The following TLN1 variants were observed in gnomAD, a reference collection of about 807,000 sequenced individuals.
TLN1 encodes the protein talin 1.
Under a neutral mutation model 292.3 loss-of-function variants are expected in TLN1, and 56 were observed. That is an observed-to-expected ratio of 0.19 (90% CI 0.15 to 0.24). TLN1 has a LOEUF of 0.24. TLN1 is among the 10% of genes least tolerant of loss of function. The pLI is 1.00. For synonymous variants in TLN1, 1,119 were observed against 1,253.7 expected, an observed-to-expected ratio of 0.89 and a Z score of 2.27; for missense variants, 2,433 against 3,248.2, an observed-to-expected ratio of 0.75 and a Z score of 6.10.
intron 1 of TLN1, among the ~76,000 whole-genome samples, chr9:35,726,658 C>G (rs910379451): frequency 6.6e-6 from 1 of 152,214 alleles, no homozygotes; most frequent in Non-Finnish European, 1.5e-5. Flanking sequence ...CTTGCCCCAG[C>G]TTTTTTCTAA....
chr9:35,721,578 A>G, intron 10 of TLN1, 70 bp downstream of exon 10: 8 of 1,544,380 alleles, frequency 5.2e-6, no homozygotes, highest in Non-Finnish European at 7.1e-6. Context: ...CAAGAGAGGG[A>G]AGAGACCTCT....
chr9:35,721,976 T>C, intron 9 of TLN1, 143 bp downstream of exon 9: 2 of 1,146,310 alleles, frequency 1.7e-6, no homozygotes, highest in Admixed American at 1.9e-5. Context: ...CAGGCAGGTT[T>C]TCATGAGGTC....
Position 35,704,170 on chromosome 9 carries a change from C to A in TLN1, c.6052G>T (p.Gly2018Cys). ...GTETFADHRE[G>C]ILKTAKVLVE... ...AGCACCTTCGCAGTCTTCAGGATGC[C>A]CTCCCTGAGGGAGGGCCCAGCTTAG... Residue 2018 changes from glycine (G) to cysteine (C), a missense_variant, in exon 46 of 57, where the codon GGC becomes TGC. Transcript: ENST00000314888. This position sits in a 1 kb window ranked among gnomAD's most constrained non-coding sequence, Gnocchi z 6.9. 1 of 1,591,518 alleles carries A rather than the reference C, an allele frequency of 6.3e-7. No individual in the cohort carries two copies.
chr9:35,709,676 CAGG>C (rs1365831010), intron 33 of TLN1, among the ~76,000 whole-genome samples: 1 of 147,746 alleles, frequency 6.8e-6, no homozygotes, highest in Non-Finnish European at 1.5e-5. Flanking sequence ...ATCACGAGGT[CAGG>C]AGATCGAGAC....
At position 35,719,037 on chromosome 9, in the gene TLN1, C is replaced by T; in HGVS notation, c.1896+37G>A. On this transcript the variant is annotated intron_variant, in intron 16 of 56. Coordinates refer to ENST00000314888, the MANE Select transcript of TLN1 (RefSeq NM_006289.4). The surrounding 1 kb of genome is among the most constrained non-coding windows in gnomAD (Gnocchi z 4.6). ...CTGCCCCTTCTCCTTGGGCTTGAAC[C>T]CTGTCTCCACCCTAACCCAAACCTG... The T allele has an allele frequency of 1.2e-6, 2 of 1,601,032 alleles. No individual in the cohort carries two copies. Among genetic ancestry groups the T allele is most frequent in the Non-Finnish European group, 1.7e-6 (2 of 1,171,760 alleles).
Position 35,706,748 on chromosome 9 carries a change from T to A in TLN1, c.5088+20A>T, listed in dbSNP as rs1228423596. 4.0e-5 allele frequency: 64 copies of A among 1,611,590 alleles called. No individual in the cohort carries two copies. Among genetic ancestry groups the A allele is most frequent in the Non-Finnish European group, 4.7e-5 (56 of 1,179,054 alleles). ...TTCTCTTCCTAGACACATCTTTCCA[T>A]ATAACCCTCTCCCTCTCACCTCTTG... On this transcript the variant is annotated intron_variant, in intron 38 of 56. Transcript: ENST00000314888. This position sits in a 1 kb window ranked among gnomAD's most constrained non-coding sequence, Gnocchi z 4.2.
Position 35,719,804 on chromosome 9 carries a change from G to A in TLN1, c.1514C>T (p.Ala505Val). 1 of 1,602,282 alleles carries A rather than the reference G, an allele frequency of 6.2e-7. No homozygotes were observed. The highest frequency in any genetic ancestry group is 8.5e-7 in the Non-Finnish European group (1 of 1,174,186). Residue 505 changes from alanine (A) to valine (V), a missense_variant, in exon 14 of 57, where the codon GCC (alanine) becomes GTC (valine). Physicochemically the swap from Ala to Val is moderately conservative, Grantham distance 64 (BLOSUM62 0). This residue lies in a region of TLN1 where 617 missense variants were observed against 770.6 expected (regional missense o/e 0.80). Transcript: ENST00000314888. This position sits in a 1 kb window ranked among gnomAD's most constrained non-coding sequence, Gnocchi z 4.6. Reference sequence around the variant, plus strand: ...CAGGGTGGCCTGGGCAGCCTGCACGGCCTGCATGCTGGAGTTAATGGTTCC... The same window carrying A: ...CAGGGTGGCCTGGGCAGCCTGCACGACCTGCATGCTGGAGTTAATGGTTCC... ...LTGTINSSMQ[A>V]VQAAQATLDD...
rs574810019 is a variant in TLN1 at position 35,707,926 on chromosome 9, C to G, written c.4471-34G>C. The G allele has an allele frequency of 6.2e-6, 10 of 1,609,862 alleles. No individual in the cohort carries two copies. The South Asian group carries it at 8.8e-5, about 14-fold the overall frequency. ...ACACATGGAAGAGCCACGATGAGGGCAGGAAGGAGGTGTACATACCCAAGG... is the reference window on the plus strand; with the variant it reads ...ACACATGGAAGAGCCACGATGAGGGGAGGAAGGAGGTGTACATACCCAAGG... On this transcript the variant is annotated intron_variant, in intron 34 of 56. Coordinates refer to ENST00000314888, the MANE Select transcript of TLN1 (RefSeq NM_006289.4). This position sits in a 1 kb window ranked among gnomAD's most constrained non-coding sequence, Gnocchi z 5.6.
Position 35,710,477 on chromosome 9 carries a change from AT to A in TLN1, c.4326+83del. ...TGGCTTTGCAAACATAAACTTCTTG[AT>A]TTATCTACAGGTATGTCAGGCTGAG... On this transcript the variant is annotated intron_variant, in intron 33 of 56. Coordinates refer to ENST00000314888, the MANE Select transcript of TLN1 (RefSeq NM_006289.4). The A allele has an allele frequency of 2.0e-6, 3 of 1,525,564 alleles. No homozygotes were observed. The South Asian group carries it at 3.7e-5, about 19-fold the overall frequency. 94.5% of individuals were successfully genotyped at this position (1,525,564 alleles called of 1,614,324 possible). A position where few individuals can be genotyped will look rare whatever the true frequency, so the allele number is the denominator to read the frequency against.
rs771427225 is a variant in TLN1 at position 35,719,049 on chromosome 9, C to T, written c.1896+25G>A. On this transcript the variant is annotated intron_variant, in intron 16 of 56. Transcript: ENST00000314888. The surrounding 1 kb of genome is among the most constrained non-coding windows in gnomAD (Gnocchi z 4.6). ...CTTGGGCTTGAACCCTGTCTCCACC[C>T]TAACCCAAACCTGTGGCCCCTGACC... 12 of 1,605,006 alleles carry T rather than the reference C, an allele frequency of 7.5e-6. No individual in the cohort carries two copies. In the Admixed American group the frequency reaches 8.4e-5, roughly 11 times the overall value.
Position 35,712,881 on chromosome 9 carries a change from G to T in TLN1, c.3515C>A (p.Ala1172Glu), listed in dbSNP as rs751116301. 21 of 1,597,862 alleles carry T rather than the reference G, an allele frequency of 1.3e-5. No individual in the cohort carries two copies. In the African/African-American group the frequency reaches 2.7e-4, roughly 20 times the overall value. ...CTCAGGGTCCCCTGGATGGCCAGCT[G>T]CCTTTTTCGCCTCCTCAATGAGGCT... ...ASSLIEEAKK[A>E]AGHPGDPESQ... Residue 1172 changes from alanine (A) to glutamate (E), a missense_variant, in exon 27 of 57, where the codon GCA becomes GAA. This residue lies in a region of TLN1 where 1,384 missense variants were observed against 1,699.6 expected (regional missense o/e 0.81). Coordinates refer to ENST00000314888, the MANE Select transcript of TLN1 (RefSeq NM_006289.4).
rs1392956509 is a variant in TLN1, at chr9:35,707,443, C to T, written c.4678G>A (p.Ala1560Thr). The T allele has an allele frequency of 1.2e-6, 2 of 1,614,204 alleles. No individual in the cohort carries two copies. The highest frequency in any genetic ancestry group is 1.7e-6 in the Non-Finnish European group (2 of 1,180,048). ...GCCTCCAGCAGAGGGGCTGTTGCTG[C>T]TCGGCACTGGGCACGGTTCTCCTCT... ...FTEENRAQCR[A>T]ATAPLLEAVD... is the part of the protein sequence containing the mutation. The change falls in exon 36 of 57, where the codon GCA becomes ACA. Residue 1560 changes from alanine to threonine, a missense_variant. This residue lies in a region of TLN1 where 1,384 missense variants were observed against 1,699.6 expected (regional missense o/e 0.81). Coordinates refer to ENST00000314888, the MANE Select transcript of TLN1 (RefSeq NM_006289.4). This position sits in a 1 kb window ranked among gnomAD's most constrained non-coding sequence, Gnocchi z 5.6.
rs1825528493 is a variant in TLN1 at position 35,704,582 on chromosome 9, G to C, written c.5881-84C>G. 6.3e-7 allele frequency: 1 copy of C among 1,591,244 alleles called. No individual in the cohort carries two copies. Among genetic ancestry groups the C allele is most frequent in the East Asian group, 2.2e-5 (1 of 44,652 alleles). On this transcript the variant is annotated intron_variant, in intron 44 of 56. Coordinates refer to ENST00000314888, the MANE Select transcript of TLN1 (RefSeq NM_006289.4). The surrounding 1 kb of genome is among the most constrained non-coding windows in gnomAD (Gnocchi z 6.9). ...CCCATGCCTGGGAGAAGTGACAACA[G>C]GAGAGGGCTGAGAGGGCTGGAGGAG...
chr9:35,699,193 G>C lies in TLN1; in HGVS notation c.6875-37C>G, dbSNP rs1825420986. ...AAGGAAGAGGAAAGAGGCTAAGGCA[G>C]AGTGGGGAGGTCAAAAGCACCAGGG... On this transcript the variant is annotated intron_variant, in intron 51 of 56. Transcript: ENST00000314888. This position sits in a 1 kb window ranked among gnomAD's most constrained non-coding sequence, Gnocchi z 4.0. 1 of 1,586,838 alleles carries C rather than the reference G, an allele frequency of 6.3e-7. No individual in the cohort carries two copies. The highest frequency in any genetic ancestry group is 1.4e-5 in the African/African-American group (1 of 73,550).
intron 28 of TLN1, 88 bp from the exon 29 acceptor site, chr9:35,711,880 T>C (rs1825676093): frequency 1.9e-6 from 3 of 1,598,316 alleles, no homozygotes; most frequent in South Asian, 2.2e-5. Context: ...GGTGGGCACA[T>C]AGCCTGGGAG....
chr9:35,727,445 T>G (rs1263355861), intron 1 of TLN1, among the ~76,000 whole-genome samples: 1 of 152,160 alleles, frequency 6.6e-6, no homozygotes, highest in East Asian at 1.9e-4. Context: ...TGGTACCAAG[T>G]GGCAGATAGA....
Position 35,706,978 on chromosome 9 carries a change from C to T in TLN1, c.4956-78G>A. On this transcript the variant is annotated intron_variant, in intron 37 of 56. Transcript: ENST00000314888. This position sits in a 1 kb window ranked among gnomAD's most constrained non-coding sequence, Gnocchi z 4.2. ...AGCCTATCCTTCCCCTGTATCCTCC[C>T]AACACCATCCCATCTCATTGCACTC... The T allele has an allele frequency of 6.2e-7, 1 of 1,609,008 alleles. No homozygotes were observed. Among genetic ancestry groups the T allele is most frequent in the African/African-American group, 1.3e-5 (1 of 74,746 alleles).
In TLN1 at chr9:35,697,888, C is replaced by T. The variant is rs1825394105; in HGVS notation, c.7529G>A (p.Arg2510Gln). 3.1e-6 allele frequency: 5 copies of T among 1,614,076 alleles called. No homozygotes were observed. The highest frequency in any genetic ancestry group is 2.2e-5 in the East Asian group (1 of 44,904). Residue 2510 changes from arginine (R) to glutamine (Q), a missense_variant, in exon 57 of 57, where the codon CGG becomes CAG. Physicochemically the swap from Arg to Gln is conservative, Grantham distance 43. Coordinates refer to ENST00000314888, the MANE Select transcript of TLN1 (RefSeq NM_006289.4). ...CGCCTCTTCCAGCTCTCGTTCCTTC[C>T]GAAGCATTTCTTCCTGTGCTGCGAT... ...QIIAAQEEML[R>Q]KERELEEARK...
chr9:35,717,543 G>C lies in TLN1; in HGVS notation c.2163+76C>G, dbSNP rs566706510. 2.2e-4 allele frequency: 345 copies of C among 1,577,072 alleles called. 2 individuals carry two copies. Among genetic ancestry groups the C allele is most frequent in the Middle Eastern group, 1.2e-3 (7 of 5,894 alleles). On this transcript the variant is annotated intron_variant, in intron 18 of 56. Transcript: ENST00000314888. This position sits in a 1 kb window ranked among gnomAD's most constrained non-coding sequence, Gnocchi z 4.7. ...GGGTGAGGAGGCCTCCAGAGCCAAA[G>C]AAATAAAATGAAAGGCTCACGTGTG...
Sources: allele counts gnomAD v4.1 joint callset (sites outside exome capture counted in the v4.1 genomes callset), GRCh38; gene constraint gnomAD v4.1.1; regional missense constraint gnomAD v4.1.1; non-coding constraint Gnocchi (gnomAD v3.1); transcripts MANE v1.5; gene names NCBI Gene and HGNC (gene_info 2026-07-23, HGNC 2026-07-21).